PHEX: variants seen among roughly 807,000 people sequenced by gnomAD.
PHEX encodes phosphate regulating endopeptidase X-linked.
In PHEX, 16 loss-of-function variants were observed where a neutral mutation model predicts 68.0. That is an observed-to-expected ratio of 0.24 (90% CI 0.16 to 0.36). The LOEUF (loss-of-function observed/expected upper bound fraction) is 0.36, where lower values mean the gene tolerates loss of function less well. Among genes scored for constraint, PHEX ranks in the 10% least tolerant of loss-of-function variants. The pLI, the probability that PHEX is intolerant of heterozygous loss-of-function variation, is 1.00. For missense variants in PHEX, 480 were observed against 575.5 expected (o/e 0.83, Z 1.70); for synonymous variants, 208 against 205.1 (o/e 1.01, Z -0.12).
intron 18 of PHEX, among the ~76,000 whole-genome samples, chrX:22,225,730 G>GTCTT (rs1345143071): frequency 4.5e-5 from 5 of 112,359 alleles, no homozygotes; most frequent in Admixed American, 1.9e-4. Context: ...GTAACATCCA[G>GTCTT]TCTTACCTTG....
intron 14 of PHEX, among the ~76,000 whole-genome samples, chrX:22,180,650 TTA>T (rs995233191): frequency 4.5e-5 from 5 of 111,739 alleles, no homozygotes; most frequent in African/African-American, 1.6e-4. Flanking sequence ...TTATACAGTT[TTA>T]GTTATTTTTA....
In PHEX at chrX:22,096,935, C is replaced by CA. The variant is rs2147043516; in HGVS notation, c.850-15dup. ...AAATGGTTCACTTGAAAAAAAATAA[C>CA]AAAAATCTCTTTTCAACAGATAATG... On this transcript the variant is annotated intron_variant, in intron 7 of 21. Coordinates refer to ENST00000379374, the MANE Select transcript of PHEX (RefSeq NM_000444.6). 8.7e-7 allele frequency: 1 copy of CA among 1,151,550 alleles called. No homozygotes were observed. Among genetic ancestry groups the CA allele is most frequent in the East Asian group, 3.0e-5 (1 of 33,429 alleles). 94.9% of individuals were successfully genotyped at this position (1,151,550 alleles called of 1,213,427 possible). A position where few individuals can be genotyped will look rare whatever the true frequency, so the allele number is the denominator to read the frequency against.
chrX:22,130,155 C>G (rs896810005), intron 11 of PHEX, among the ~76,000 whole-genome samples: 3 of 111,850 alleles, frequency 2.7e-5, no homozygotes, highest in Non-Finnish European at 3.8e-5. Flanking sequence ...CTTTCCCTCC[C>G]CATTGCCCCT....
At chrX:22,054,300 A>C (rs1301644166) in intron 3 of PHEX, among the ~76,000 whole-genome samples, 1 of 110,433 alleles carries the variant, frequency 9.1e-6, no homozygotes, top group Non-Finnish European at 1.9e-5. Context: ...ATGCCCAGCT[A>C]ATTTTTGTAT....
At chrX:22,088,459 G>A (rs1178334249) in intron 5 of PHEX, among the ~76,000 whole-genome samples, 1 of 110,981 alleles carries the variant, frequency 9.0e-6, no homozygotes, top group Non-Finnish European at 1.9e-5. Context: ...ACTTTTCCAC[G>A]TCCCCACCAG....
chrX:22,118,339 C>CAAAAAAAAAAAAAAAAAAAAAAA (rs1157170753), intron 11 of PHEX, among the ~76,000 whole-genome samples: 2 of 21,111 alleles, frequency 9.5e-5, no homozygotes, highest in African/African-American at 3.4e-4. Context: ...TAAACAGCAC[C>CAAAAAAAAAAAAAAAAAAAAAAA]AAAAAAAAAA....
chrX:22,218,972 T>C (rs1320737771), intron 16 of PHEX, 64 bp from the exon 17 acceptor site: 1 of 797,082 alleles, frequency 1.3e-6, no homozygotes, highest in African/African-American at 2.0e-5. Flanking sequence ...ATTGAAAAAA[T>C]TAAAGGATTA....
At chrX:22,145,468 T>C (rs1932653405) in intron 12 of PHEX, among the ~76,000 whole-genome samples, 1 of 111,208 alleles carries the variant, frequency 9.0e-6, no homozygotes, top group African/African-American at 3.3e-5. Context: ...GTACAAAAAT[T>C]AGCCAGGCAT....
chrX:22,076,455 T>C lies in PHEX; in HGVS notation c.417T>C (p.Tyr139=). The C allele has an allele frequency of 8.4e-7, 1 of 1,188,687 alleles. No homozygotes were observed. The highest frequency in any genetic ancestry group is 1.1e-6 in the Non-Finnish European group (1 of 874,170). The change falls in exon 4 of 22, where the codon TAT becomes TAC. Residue 139 remains tyrosine (Y), a synonymous_variant. Coordinates refer to ENST00000379374, the MANE Select transcript of PHEX (RefSeq NM_000444.6). The stretch of plus-strand genomic sequence containing the variant: ...CCATACAGAAAGCCAAAATCCTTTA[T>C]TCATCCTGCATGAATGAGAGTGAGT... ...TEAIQKAKIL[Y]SSCMNEKAIE... is the part of the protein sequence containing the mutation.
chrX:22,187,245 T>TTGAA (rs1470401970), intron 14 of PHEX, among the ~76,000 whole-genome samples: 1 of 111,838 alleles, frequency 8.9e-6, no homozygotes, highest in Non-Finnish European at 1.9e-5. Context: ...AATAATCCCC[T>TTGAA]TCCAAGGGGA....
At chrX:22,101,854 T>A (rs2147050373) in intron 9 of PHEX, among the ~76,000 whole-genome samples, 1 of 111,814 alleles carries the variant, frequency 8.9e-6, no homozygotes, top group African/African-American at 3.2e-5. Context: ...AAAGAGCCTA[T>A]CTCATTTTCT....
At chrX:22,107,051 G>C (rs1930732303) in intron 9 of PHEX, among the ~76,000 whole-genome samples, 1 of 111,990 alleles carries the variant, frequency 8.9e-6, no homozygotes, top group African/African-American at 3.2e-5. Context: ...GACTCTACTA[G>C]TTTGAGACTC....
At chrX:22,084,823 T>C (rs922978855) in intron 5 of PHEX, among the ~76,000 whole-genome samples, 1 of 111,243 alleles carries the variant, frequency 9.0e-6, no homozygotes, top group African/African-American at 3.3e-5. Flanking sequence ...TAATTCTTTG[T>C]ATTTCTGTGG....
chrX:22,224,951 A>ATCATACAGCGCTGTATGATTTATTC (rs1935406174), intron 18 of PHEX, among the ~76,000 whole-genome samples: 2 of 113,839 alleles, frequency 1.8e-5, no homozygotes, highest in Non-Finnish European at 3.7e-5. Flanking sequence ...AACATAAATT[A>ATCATACAGCGCTGTATGATTTATTC]TCATACAGCG....
intron 2 of PHEX, among the ~76,000 whole-genome samples, chrX:22,042,609 A>C (rs944244198): frequency 5.4e-5 from 6 of 111,953 alleles, no homozygotes; most frequent in Non-Finnish European, 1.9e-5. Flanking sequence ...ACATGGTGAA[A>C]CTCCATGTCT....
chrX:22,080,048 T>C (rs1443098874), intron 5 of PHEX, among the ~76,000 whole-genome samples: 1 of 111,534 alleles, frequency 9.0e-6, no homozygotes, highest in Non-Finnish European at 1.9e-5. Flanking sequence ...TGCCTCCTGG[T>C]ATCAGTAGGA....
chrX:22,070,986 C>T (rs1285297742), intron 3 of PHEX, among the ~76,000 whole-genome samples: 2 of 111,776 alleles, frequency 1.8e-5, no homozygotes, highest in African/African-American at 6.5e-5. Flanking sequence ...AAATGATTGG[C>T]CTGAGCTGCA....
chrX:22,059,633 A>G (rs760335994), intron 3 of PHEX, among the ~76,000 whole-genome samples: 1 of 112,182 alleles, frequency 8.9e-6, no homozygotes, highest in African/African-American at 3.2e-5. Context: ...AGAAAAAACC[A>G]TTAAGAACCC....
At chrX:22,146,167 T>C (rs1423126431) in intron 12 of PHEX, among the ~76,000 whole-genome samples, 2 of 112,297 alleles carry the variant, frequency 1.8e-5, no homozygotes, top group Non-Finnish European at 3.8e-5. Context: ...TTTTGAACAA[T>C]TTGTAAATCA....
Sources: gnomAD v4.1 joint callset for allele counts (sites outside exome capture counted in the v4.1 genomes callset) on GRCh38, gnomAD v4.1.1 for gene constraint, MANE v1.5 for transcripts, NCBI Gene and HGNC (gene_info 2026-07-23, HGNC 2026-07-21) for gene names.